SMURF1: variants seen among roughly 807,000 people sequenced by gnomAD.
The protein encoded by SMURF1 is SMAD specific E3 ubiquitin protein ligase 1, also known as E3 ubiquitin-protein ligase SMURF1.
A neutral mutation model predicts 98.0 loss-of-function variants in SMURF1; 44 were observed. The observed-to-expected ratio is 0.45, with a 90% CI of 0.35 to 0.58. SMURF1 has a LOEUF of 0.58. Ranked by LOEUF, SMURF1 falls within the 20% of genes least tolerant of loss-of-function variation. The pLI is 0.00. For missense variants in SMURF1, 687 were observed against 938.4 expected, an observed-to-expected ratio of 0.73 and a Z score of 3.50; for synonymous variants, 396 against 374.9, an observed-to-expected ratio of 1.06 and a Z score of -0.65.
chr7:99,031,346 G>A (rs1562993879), intron 17 of SMURF1: 1 of 152,124 alleles, frequency 6.6e-6, no homozygotes, highest in Non-Finnish European at 1.5e-5. Context: ...TATTTCCAGG[G>A]GGAAGCTCAT....
intron 11 of SMURF1, among the ~76,000 whole-genome samples, chr7:99,044,916 G>A (rs999628815): frequency 2.0e-5 from 3 of 152,192 alleles, no homozygotes; most frequent in Non-Finnish European, 4.4e-5. Context: ...TGGGAGAGTG[G>A]CTTGAGCCCA....
At chr7:99,067,832 T>C (rs751169829) in intron 1 of SMURF1, among the ~76,000 whole-genome samples, 46 of 152,164 alleles carry the variant, frequency 3.0e-4, no homozygotes, top group Admixed American at 9.8e-4. Context: ...CGGGTACCTG[T>C]AATCCTAGCT....
At chr7:99,136,075 A>G (rs1040079038) in intron 1 of SMURF1, among the ~76,000 whole-genome samples, 26 of 152,246 alleles carry the variant, frequency 1.7e-4, no homozygotes, top group African/African-American at 6.0e-4. Flanking sequence ...ATATACTTGC[A>G]GTCCCAGCTA....
At chr7:99,083,575 G>A (rs554009119) in intron 1 of SMURF1, among the ~76,000 whole-genome samples, 1 of 152,198 alleles carries the variant, frequency 6.6e-6, no homozygotes, top group South Asian at 2.1e-4. Flanking sequence ...TACAATCTTG[G>A]GCAATGATTT....
chr7:99,084,745 C>G (rs2150571958), intron 1 of SMURF1, among the ~76,000 whole-genome samples: 1 of 152,268 alleles, frequency 6.6e-6, no homozygotes, highest in South Asian at 2.1e-4. Flanking sequence ...CAGAAATCCT[C>G]TATACTCCCT....
At chr7:99,082,370 T>G (rs1796592522) in intron 1 of SMURF1, among the ~76,000 whole-genome samples, 1 of 152,216 alleles carries the variant, frequency 6.6e-6, no homozygotes, top group Non-Finnish European at 1.5e-5. Context: ...TATTGAAGAT[T>G]TATTCCTGTT....
intron 11 of SMURF1, among the ~76,000 whole-genome samples, chr7:99,042,486 G>T (rs1709727): frequency 0.12 from 18,301 of 152,122 alleles, 3,385 homozygotes; most frequent in African/African-American, 0.4. Flanking sequence ...TGTTGGCCAG[G>T]GTGGCCTCGA....
intron 1 of SMURF1, among the ~76,000 whole-genome samples, chr7:99,083,451 A>G (rs1796612924): frequency 6.6e-6 from 1 of 152,232 alleles, no homozygotes; most frequent in South Asian, 2.1e-4. Flanking sequence ...TTAAACTAGG[A>G]GAAGAGAAAA....
chr7:99,122,460 A>G (rs1345833026), intron 1 of SMURF1, among the ~76,000 whole-genome samples: 1 of 151,960 alleles, frequency 6.6e-6, no homozygotes, highest in Admixed American at 6.6e-5. Context: ...CCTGGCCAAC[A>G]TGATGAAACC....
intron 15 of SMURF1, chr7:99,035,925 A>T: frequency 1.7e-6 from 1 of 588,882 alleles, no homozygotes; most frequent in Non-Finnish European, 3.0e-6. Context: ...CGGGTCTCCA[A>T]CCCCAAGGAC....
intron 13 of SMURF1, 136 bp from the exon 14 acceptor site, chr7:99,038,661 T>TG: frequency 1.0e-6 from 1 of 953,700 alleles, no homozygotes; most frequent in South Asian, 1.7e-5. Context: ...AGAACCTGCG[T>TG]GGGGGTGGCA....
At chr7:99,030,845 C>T (rs771614081) in intron 17 of SMURF1, 162 bp from the exon 18 acceptor site, 1 of 549,992 alleles carries the variant, frequency 1.8e-6, no homozygotes, top group Admixed American at 3.4e-5. Context: ...TTTTCTGCTT[C>T]TAATACAAAG....
intron 1 of SMURF1, among the ~76,000 whole-genome samples, chr7:99,099,496 G>C (rs1448644639): frequency 2.0e-5 from 3 of 152,128 alleles, no homozygotes; most frequent in African/African-American, 4.8e-5. Context: ...TCCTTTCCCA[G>C]GATAGGGGGG....
intron 13 of SMURF1, 144 bp from the exon 14 acceptor site, chr7:99,038,669 G>T: frequency 1.2e-6 from 1 of 858,660 alleles, no homozygotes; most frequent in Non-Finnish European, 1.8e-6. Context: ...CGTGGGGGTG[G>T]CACAGCAACA....
chr7:99,063,851 A>G (rs2150547547), intron 1 of SMURF1, among the ~76,000 whole-genome samples: 1 of 150,716 alleles, frequency 6.6e-6, no homozygotes, highest in East Asian at 2.0e-4. Context: ...ATCATAGCTC[A>G]CTGCAGCCTC....
intron 1 of SMURF1, among the ~76,000 whole-genome samples, chr7:99,119,003 ATTTTTTTTTTTTTTT>A (rs67705340): frequency 1.2e-4 from 5 of 42,930 alleles, no homozygotes; most frequent in South Asian, 1.3e-3. Context: ...TAACATGCCA[ATTTTTTTTTTTTTTT>A]TTTTTTTTTT....
At chr7:99,049,022 T>A (rs530174160) in intron 9 of SMURF1, 3 of 144,470 alleles carry the variant, frequency 2.1e-5, no homozygotes, top group Admixed American at 7.2e-5. Flanking sequence ...ACCCAGGAGG[T>A]GGAGGGTGCA....
intron 1 of SMURF1, among the ~76,000 whole-genome samples, chr7:99,136,535 C>A (rs2150650825): frequency 6.6e-6 from 1 of 152,298 alleles, no homozygotes; most frequent in African/African-American, 2.4e-5. Context: ...CTATAAATAA[C>A]AGCAATTTTG....
At chr7:99,077,341 A>AT (rs1244024151) in intron 1 of SMURF1, among the ~76,000 whole-genome samples, 67 of 139,156 alleles carry the variant, frequency 4.8e-4, no homozygotes, top group African/African-American at 6.8e-4. Flanking sequence ...ATTTTTTTTT[A>AT]TTTTTTTTTT....
Sources: allele counts gnomAD v4.1 joint callset (sites outside exome capture counted in the v4.1 genomes callset), GRCh38; gene constraint gnomAD v4.1.1; transcripts MANE v1.5; gene names NCBI Gene and HGNC (gene_info 2026-07-23, HGNC 2026-07-21).